Variants in EVI5 observed in about 807,000 individuals in gnomAD.
EVI5 encodes the protein ecotropic viral integration site 5, also known as ecotropic viral integration site 5 protein homolog.
Under a neutral mutation model 112.0 loss-of-function variants are expected in EVI5, and 73 were observed. The ratio of observed to expected loss-of-function variants is 0.65; its 90% CI spans 0.54 to 0.79. EVI5 has a LOEUF of 0.79. Among genes scored for constraint, EVI5 ranks in the 30% least tolerant of loss-of-function variants. The pLI is 0.00. For missense variants in EVI5, 900 were observed against 968.8 expected (o/e 0.93, Z 0.94); for synonymous variants, 305 against 319.9 (o/e 0.95, Z 0.50).
intron 13 of EVI5, among the ~76,000 whole-genome samples, chr1:92,648,023 G>T (rs1335867163): frequency 6.9e-6 from 1 of 144,620 alleles, no homozygotes; most frequent in Non-Finnish European, 1.5e-5. Flanking sequence ...GGGATTACAG[G>T]CATGAGCCAC....
chr1:92,588,575 C>T (rs555172449), intron 18 of EVI5, among the ~76,000 whole-genome samples: 3 of 152,320 alleles, frequency 2.0e-5, no homozygotes, highest in South Asian at 2.1e-4. Context: ...CATTTTTCTC[C>T]GTTGTCTTCC....
intron 2 of EVI5, among the ~76,000 whole-genome samples, chr1:92,715,305 T>C (rs1400435630): frequency 2.6e-5 from 4 of 152,028 alleles, no homozygotes; most frequent in African/African-American, 9.7e-5. Context: ...CACCGTGCCC[T>C]GACAGTTTCA....
chr1:92,713,100 T>C (rs1277470305), intron 2 of EVI5, among the ~76,000 whole-genome samples: 1 of 152,084 alleles, frequency 6.6e-6, no homozygotes, highest in East Asian at 1.9e-4. Context: ...AAATTAATTT[T>C]AATAATTTAT....
chr1:92,744,587 C>A (rs927781661), intron 1 of EVI5, among the ~76,000 whole-genome samples: 6 of 101,186 alleles, frequency 5.9e-5, no homozygotes, highest in East Asian at 7.8e-4. Context: ...TGCCAAATAT[C>A]TCTCTCTCTC....
At chr1:92,726,653 AAC>A (rs1209834547) in intron 2 of EVI5, among the ~76,000 whole-genome samples, 1 of 152,184 alleles carries the variant, frequency 6.6e-6, no homozygotes, top group Non-Finnish European at 1.5e-5. Flanking sequence ...TAAATAGGTA[AAC>A]ACATAAAAGT....
chr1:92,690,344 A>G (rs1474599859), intron 9 of EVI5, among the ~76,000 whole-genome samples: 1 of 109,018 alleles, frequency 9.2e-6, no homozygotes, highest in South Asian at 3.9e-4. Flanking sequence ...AGTATCCCCA[A>G]TGATACTTTT....
rs764163766 is a variant in EVI5 at position 92,693,846 on chromosome 1, G to T, written c.1053C>A (p.Ile351=). The change falls in exon 9 of 20, where the codon ATC becomes ATA. Residue 351 remains isoleucine, a synonymous_variant. Transcript: ENST00000684568. Reference sequence around the variant, plus strand: ...TGTATTTGACTTGGTAAGCTGCTTGGATTAGCTTGTCTGGGACACCATCAA... The same window carrying T: ...TGTATTTGACTTGGTAAGCTGCTTGTATTAGCTTGTCTGGGACACCATCAA... ...HQFDGVPDKL[I]QAAYQVKYNS... is the part of the protein sequence containing the mutation. 3 of 1,606,714 alleles carry T rather than the reference G, an allele frequency of 1.9e-6. No homozygotes were observed. The highest frequency in any genetic ancestry group is 2.7e-5 in the African/African-American group (2 of 74,590).
intron 9 of EVI5, among the ~76,000 whole-genome samples, chr1:92,689,540 TA>T (rs1669128120): frequency 6.6e-6 from 1 of 152,196 alleles, no homozygotes; most frequent in Non-Finnish European, 1.5e-5. Context: ...CTAATTTTTC[TA>T]TTTTTTTGTA....
intron 2 of EVI5, among the ~76,000 whole-genome samples, chr1:92,716,184 G>A (rs1434915113): frequency 1.3e-5 from 2 of 152,108 alleles, no homozygotes; most frequent in Non-Finnish European, 2.9e-5. Context: ...CCCCCATGTA[G>A]CCTAACTGGG....
intron 19 of EVI5, among the ~76,000 whole-genome samples, chr1:92,534,485 CA>C (rs1181067866): frequency 1.3e-5 from 2 of 152,122 alleles, no homozygotes; most frequent in African/African-American, 4.8e-5. Context: ...CAATCCTAAG[CA>C]AAAAGAACAA....
At chr1:92,644,378 A>C (rs963751521) in intron 13 of EVI5, among the ~76,000 whole-genome samples, 4 of 152,226 alleles carry the variant, frequency 2.6e-5, no homozygotes, top group African/African-American at 9.6e-5. Context: ...TAAAAAGTTA[A>C]TGTCATTCCT....
intron 5 of EVI5, among the ~76,000 whole-genome samples, chr1:92,698,648 A>G (rs1670672818): frequency 2.6e-5 from 4 of 152,342 alleles, no homozygotes; most frequent in African/African-American, 9.6e-5. Flanking sequence ...TACATCATGG[A>G]GGAGAAATAA....
chr1:92,781,240 C>T (rs1173718998), intron 1 of EVI5, among the ~76,000 whole-genome samples: 1 of 152,100 alleles, frequency 6.6e-6, no homozygotes, highest in African/African-American at 2.4e-5. Flanking sequence ...GGTACAGTGG[C>T]TCACACCTGT....
intron 2 of EVI5, among the ~76,000 whole-genome samples, chr1:92,711,469 G>A (rs1672843996): frequency 1.3e-5 from 2 of 152,158 alleles, no homozygotes; most frequent in South Asian, 4.1e-4. Context: ...AGGATCTAAG[G>A]AAGAAAAACG....
chr1:92,606,287 C>T (rs955738084), intron 17 of EVI5, among the ~76,000 whole-genome samples: 1 of 152,198 alleles, frequency 6.6e-6, no homozygotes, highest in Non-Finnish European at 1.5e-5. Context: ...CTTTACTTTG[C>T]TCAACAGGTA....
chr1:92,703,544 G>C lies in EVI5; in HGVS notation c.415C>G (p.Pro139Ala). The change falls in exon 4 of 20, where the codon CCA becomes GCA. Residue 139 changes from proline (P) to alanine (A), a missense_variant. Pro to Ala is a conservative substitution (Grantham distance 27, BLOSUM62 -1). Coordinates refer to ENST00000684568, the MANE Select transcript of EVI5 (RefSeq NM_001350197.2). ...AGTTCTGAATACTGATCCTTAATTG[G>C]CATACTTTGTGCACTGCATAAAAGT... is the stretch of plus-strand genomic sequence containing the variant. ...WQLLCSAQSM[P>A]IKDQYSELLK... 6.2e-7 allele frequency: 1 copy of C among 1,600,664 alleles called. No individual in the cohort carries two copies. The highest frequency in any genetic ancestry group is 1.1e-5 in the South Asian group (1 of 87,720).
intron 18 of EVI5, among the ~76,000 whole-genome samples, chr1:92,584,131 A>G (rs1475745459): frequency 6.6e-6 from 1 of 152,190 alleles, no homozygotes; most frequent in East Asian, 1.9e-4. Context: ...ATACCCACAG[A>G]TGAAAAATCT....
upstream of EVI5, among the ~76,000 whole-genome samples, chr1:92,787,193 A>G (rs1428630983): frequency 6.6e-6 from 1 of 152,242 alleles, no homozygotes. Context: ...TATAGATGCT[A>G]AAACTTAAAC....
At chr1:92,715,674 G>C (rs922945024) in intron 2 of EVI5, among the ~76,000 whole-genome samples, 2 of 152,176 alleles carry the variant, frequency 1.3e-5, no homozygotes, top group Non-Finnish European at 2.9e-5. Context: ...CACCCAGTAA[G>C]CACAAGGCTT....
Sources: allele counts gnomAD v4.1 joint callset (sites outside exome capture counted in the v4.1 genomes callset), GRCh38; gene constraint gnomAD v4.1.1; transcripts MANE v1.5; gene names NCBI Gene and HGNC (gene_info 2026-07-23, HGNC 2026-07-21).